RPRD1A: variants seen among roughly 807,000 people sequenced by gnomAD.
RPRD1A encodes regulation of nuclear pre-mRNA domain containing 1A.
A neutral mutation model predicts 37.8 loss-of-function variants in RPRD1A; 9 were observed. The observed-to-expected ratio is 0.24, with a 90% confidence interval of 0.14 to 0.42. The LOEUF (loss-of-function observed/expected upper bound fraction) is 0.42, where lower values mean the gene tolerates loss of function less well. Among genes scored for constraint, RPRD1A ranks in the 10% least tolerant of loss-of-function variants. RPRD1A has a pLI of 1.00. For synonymous variants in RPRD1A, 138 were observed against 139.7 expected, an observed-to-expected ratio of 0.99 and a Z score of 0.08; for missense variants, 255 against 371.0, an observed-to-expected ratio of 0.69 and a Z score of 2.57.
chr18:36,004,251 C>T (rs1216229408), intron 6 of RPRD1A, among the ~76,000 whole-genome samples: 4 of 151,814 alleles, frequency 2.6e-5, no homozygotes, highest in Non-Finnish European at 5.9e-5. Context: ...TGACAGACTT[C>T]CAATCTTATT....
At chr18:36,045,188 C>G (rs1465879617) in intron 1 of RPRD1A, among the ~76,000 whole-genome samples, 1 of 152,022 alleles carries the variant, frequency 6.6e-6, no homozygotes, top group Non-Finnish European at 1.5e-5. Flanking sequence ...TGCAGTGAGC[C>G]AAGATCGCAC....
intron 6 of RPRD1A, chr18:36,026,119 A>G (rs1349170616): frequency 1.3e-5 from 2 of 155,372 alleles, no homozygotes; most frequent in Non-Finnish European, 2.9e-5. Context: ...ACTAATAAAA[A>G]TAACTTAATG....
rs1261646240 is a variant in RPRD1A, at chr18:35,993,260, T to C, written c.830A>G (p.Lys277Arg). Residue 277 changes from lysine (K) to arginine (R), a missense_variant, in exon 7 of 7, where the codon AAA becomes AGA. Lys to Arg is a conservative substitution (Grantham distance 26). Transcript: ENST00000399022. ...GCTCTGGATCCGGGACCTGAGTTCT[T>C]TGCGCACCAGGGAAACTCTGGCTAG... ...RKLARVSLVR[K>R]ELRSRIQSLP... 11 of 1,614,066 alleles carry C rather than the reference T, an allele frequency of 6.8e-6. No homozygotes were observed. The African/African-American group carries it at 1.2e-4, about 18-fold the overall frequency.
At position 36,027,199 on chromosome 18, in the gene RPRD1A, A is replaced by G; in HGVS notation, c.598T>C (p.Leu200=). The change falls in exon 5 of 7, where the codon TTA becomes CTA. Residue 200 remains leucine, a synonymous_variant. Coordinates refer to ENST00000399022, the MANE Select transcript of RPRD1A (RefSeq NM_018170.5). ...CTTTTCTTACCTGTTATTTTATCTAATAGAGATACTTCTTGGACTTCAACA... is the reference window on the plus strand; with the variant it reads ...CTTTTCTTACCTGTTATTTTATCTAGTAGAGATACTTCTTGGACTTCAACA... ...LPVEVQEVSL[L]DKITDKESGE... The G allele has an allele frequency of 1.9e-6, 3 of 1,613,944 alleles. No homozygotes were observed. The highest frequency in any genetic ancestry group is 2.5e-6 in the Non-Finnish European group (3 of 1,179,832).
chr18:36,027,432 G>T, intron 4 of RPRD1A, 122 bp from the exon 5 acceptor site: 1 of 990,664 alleles, frequency 1.0e-6, no homozygotes, highest in Non-Finnish European at 1.5e-6. Context: ...AATATAAACT[G>T]CTTTTGAAGA....
intron 2 of RPRD1A, among the ~76,000 whole-genome samples, chr18:36,033,311 A>AAAAAAAAAAAAAAAAAAAAAAAAAT (rs1911943775): frequency 6.7e-6 from 1 of 149,982 alleles, no homozygotes; most frequent in African/African-American, 2.5e-5. Flanking sequence ...AAAAAAAAAA[A>AAAAAAAAAAAAAAAAAAAAAAAAAT]AAAAAAAAAA....
At chr18:36,012,460 ATACT>A (rs767251632) in intron 6 of RPRD1A, among the ~76,000 whole-genome samples, 1 of 152,246 alleles carries the variant, frequency 6.6e-6, no homozygotes, top group Admixed American at 6.5e-5. Flanking sequence ...AGATACACAA[ATACT>A]TACCAGTGTA....
intron 1 of RPRD1A, among the ~76,000 whole-genome samples, chr18:36,061,783 T>C (rs1418506925): frequency 6.6e-6 from 1 of 152,126 alleles, no homozygotes; most frequent in Non-Finnish European, 1.5e-5. Context: ...TGGGAACACT[T>C]ACAACTCAAT....
chr18:36,026,599 T>C lies in RPRD1A; in HGVS notation c.789+301A>G, dbSNP rs574687479. On this transcript the variant is annotated intron_variant, in intron 6 of 6. Coordinates refer to ENST00000399022, the MANE Select transcript of RPRD1A (RefSeq NM_018170.5). ...GTGACTGCCACCTGCTATTTTCCTA[T>C]TATTTCTGTGATACATTAGGGTTAA... The C allele has an allele frequency of 2.2e-5, 5 of 226,056 alleles. No individual in the cohort carries two copies. The East Asian group carries it at 3.0e-4, about 14-fold the overall frequency. The allele number at this position is 226,056 out of a possible 1,614,324, so 14.0% of individuals were successfully genotyped here. A position where few individuals can be genotyped will look rare whatever the true frequency, so the allele number is the denominator to read the frequency against.
chr18:36,029,818 T>A (rs1220703417), intron 4 of RPRD1A, among the ~76,000 whole-genome samples: 1 of 151,940 alleles, frequency 6.6e-6, no homozygotes, highest in Non-Finnish European at 1.5e-5. Context: ...TACTTTTTTT[T>A]TTTTTGAGAC....
intron 1 of RPRD1A, among the ~76,000 whole-genome samples, chr18:36,037,591 G>C (rs1212867130): frequency 6.6e-6 from 1 of 152,208 alleles, no homozygotes; most frequent in Non-Finnish European, 1.5e-5. Flanking sequence ...CTGCTGTAAA[G>C]ATACCTGAAA....
intron 1 of RPRD1A, among the ~76,000 whole-genome samples, chr18:36,054,388 G>T (rs1359867075): frequency 6.6e-6 from 1 of 152,176 alleles, no homozygotes; most frequent in Non-Finnish European, 1.5e-5. Context: ...AGCTACTCGG[G>T]AGGCTGAGGC....
At chr18:36,015,173 TACACAC>T (rs368940718) in intron 6 of RPRD1A, among the ~76,000 whole-genome samples, 4,906 of 130,882 alleles carry the variant, frequency 0.037, 246 homozygotes, top group African/African-American at 0.12. Context: ...TACACATATA[TACACAC>T]ACACACACAC....
intron 1 of RPRD1A, among the ~76,000 whole-genome samples, chr18:36,035,447 G>A (rs998341300): frequency 2.0e-5 from 3 of 152,014 alleles, no homozygotes; most frequent in Non-Finnish European, 4.4e-5. Flanking sequence ...TTGCCCTCAG[G>A]GAAATAATGA....
chr18:36,057,051 C>CAAAAAAA (rs35428437), intron 1 of RPRD1A, among the ~76,000 whole-genome samples: 10 of 44,736 alleles, frequency 2.2e-4, no homozygotes, highest in African/African-American at 5.1e-4. Flanking sequence ...CCTGTTTCTA[C>CAAAAAAA]AAAAAAAAAA....
chr18:36,008,587 A>ATATATATATATATATATC lies in RPRD1A; in HGVS notation c.790-15288_790-15287insGATATATATATATATATA, dbSNP rs1234904779. ...CAAGACCTTGTGTGTGTATATATAT[A>ATATATATATATATATATC]TATCTTTAAAAATCTCTCTAGGAAA... On this transcript the variant is annotated intron_variant, in intron 6 of 6. Coordinates refer to ENST00000399022, the MANE Select transcript of RPRD1A (RefSeq NM_018170.5). Among the ~76,000 whole-genome samples, 134 of 119,588 alleles carry ATATATATATATATATATC rather than the reference A, an allele frequency of 1.1e-3. 8 individuals carry two copies. Among genetic ancestry groups the ATATATATATATATATATC allele is most frequent in the African/African-American group, 4.7e-3 (129 of 27,296 alleles). 78.5% of individuals were successfully genotyped at this position (119,588 alleles called of 152,430 possible). A position where few individuals can be genotyped will look rare whatever the true frequency, so the allele number is the denominator to read the frequency against.
intron 1 of RPRD1A, among the ~76,000 whole-genome samples, chr18:36,037,841 A>G (rs1000769519): frequency 6.6e-6 from 1 of 152,200 alleles, no homozygotes; most frequent in African/African-American, 2.4e-5. Flanking sequence ...TAGCAACAAG[A>G]CGGGCAGCAT....
intron 1 of RPRD1A, among the ~76,000 whole-genome samples, chr18:36,043,213 G>A (rs374386988): frequency 7.0e-6 from 1 of 142,422 alleles, no homozygotes; most frequent in Non-Finnish European, 1.5e-5. Flanking sequence ...GGGGGAAGAA[G>A]GGGAGTTACC....
chr18:36,031,597 T>TA (rs1364945311), intron 2 of RPRD1A, among the ~76,000 whole-genome samples: 1 of 152,196 alleles, frequency 6.6e-6, no homozygotes, highest in African/African-American at 2.4e-5. Flanking sequence ...AAGGAAATGA[T>TA]ATTTAATTTG....
Sources: gnomAD v4.1 joint callset for allele counts (sites outside exome capture counted in the v4.1 genomes callset) on GRCh38, gnomAD v4.1.1 for gene constraint, MANE v1.5 for transcripts, NCBI Gene and HGNC (gene_info 2026-07-23, HGNC 2026-07-21) for gene names.